MLLT3: variants seen among roughly 807,000 people sequenced by gnomAD.
The protein encoded by MLLT3 is MLLT3 super elongation complex subunit, also known as protein AF-9.
MLLT3 carries 4 observed loss-of-function variants against 53.2 expected under a neutral mutation model. The ratio of observed to expected loss-of-function variants is 0.08; its 90% CI spans 0.04 to 0.17. MLLT3 has a LOEUF of 0.17. Ranked by LOEUF, MLLT3 falls within the 10% of genes least tolerant of loss-of-function variation. MLLT3 has a pLI of 1.00. For synonymous variants in MLLT3, 283 were observed against 230.6 expected (o/e 1.23, Z -2.06); for missense variants, 569 against 684.0 (o/e 0.83, Z 1.87).
In MLLT3 at chr9:20,414,259, G is replaced by A; in HGVS notation, c.587C>T (p.Pro196Leu). The stretch of plus-strand genomic sequence containing the variant: ...CTTGTGCTCCTTCATTAATTTGTGA[G>A]GCTTTGAAAAACTGGTACTACTGCT... ...SSSSSTSFSKPHKLMKEHKEK... is the reference protein window; with the variant it reads ...SSSSSTSFSKLHKLMKEHKEK... The change falls in exon 5 of 11, where the codon CCT becomes CTT. Residue 196 changes from proline (P) to leucine (L), a missense_variant. This residue lies in a region of MLLT3 where 437 missense variants were observed against 376.5 expected (regional missense o/e 1.16). Transcript: ENST00000380338. 6.2e-7 allele frequency: 1 copy of A among 1,611,964 alleles called. No individual in the cohort carries two copies. The highest frequency in any genetic ancestry group is 8.5e-7 in the Non-Finnish European group (1 of 1,179,106).
At chr9:20,540,589 T>C (rs1458970486) in intron 2 of MLLT3, among the ~76,000 whole-genome samples, 1 of 152,208 alleles carries the variant, frequency 6.6e-6, no homozygotes, top group Admixed American at 6.5e-5. Context: ...GGGCTGGAGA[T>C]GGAGCAGCTG....
intron 5 of MLLT3, among the ~76,000 whole-genome samples, chr9:20,366,703 C>T (rs1156371251): frequency 1.3e-5 from 2 of 152,210 alleles, no homozygotes; most frequent in Non-Finnish European, 2.9e-5. Flanking sequence ...TCTCCAGCAT[C>T]TGTTGTTTCC....
rs552928716 is a variant in MLLT3 at position 20,376,301 on chromosome 9, A to G, written c.1126-10557T>C. Among the ~76,000 whole-genome samples, 30 of 152,300 alleles carry G rather than the reference A, an allele frequency of 2.0e-4. No homozygotes were observed. The South Asian group carries it at 5.0e-3, about 25-fold the overall frequency. ...TGAATGAATTTGATGTTAGATTAGA[A>G]TCATATTTAGCCTCTTGAGTTCTTA... On this transcript the variant is annotated intron_variant, in intron 5 of 10. Transcript: ENST00000380338.
intron 2 of MLLT3, among the ~76,000 whole-genome samples, chr9:20,500,110 C>A (rs1287434539): frequency 6.6e-6 from 1 of 152,234 alleles, no homozygotes; most frequent in African/African-American, 2.4e-5. Flanking sequence ...ATTTTACTTT[C>A]TCTGAGGGTC....
chr9:20,622,283 G>C lies in MLLT3; in HGVS notation c.-27C>G. 1 of 1,573,132 alleles carries C rather than the reference G, an allele frequency of 6.4e-7. No individual in the cohort carries two copies. The stretch of plus-strand genomic sequence containing the variant: ...CCTGGGGGCCCGGAGGTTTGCTGGG[G>C]TGTTGTGTGGTACCCCCCCCTCCTC... On this transcript the variant is annotated 5_prime_UTR_variant, in exon 1 of 11. Transcript: ENST00000380338.
At chr9:20,501,237 C>T (rs1825216978) in intron 2 of MLLT3, among the ~76,000 whole-genome samples, 1 of 152,110 alleles carries the variant, frequency 6.6e-6, no homozygotes, top group Non-Finnish European at 1.5e-5. Flanking sequence ...TCTCATTCTC[C>T]ATAAAATGTA....
intron 2 of MLLT3, among the ~76,000 whole-genome samples, chr9:20,539,102 A>G (rs920563412): frequency 5.9e-5 from 9 of 152,226 alleles, no homozygotes; most frequent in Non-Finnish European, 1.3e-4. Context: ...AGGCTGGAGT[A>G]GCTGTGGTGA....
At chr9:20,456,928 G>T in intron 2 of MLLT3, 142 bp from the exon 3 acceptor site, 2 of 599,872 alleles carry the variant, frequency 3.3e-6, no homozygotes, top group Non-Finnish European at 5.7e-6. Flanking sequence ...TTGAGTCTCC[G>T]ATCTATCCTT....
intron 5 of MLLT3, among the ~76,000 whole-genome samples, chr9:20,371,142 G>T (rs185514547): frequency 2.0e-5 from 3 of 152,326 alleles, no homozygotes; most frequent in Admixed American, 1.3e-4. Flanking sequence ...TGAGGAAGCT[G>T]CAGACAAAAA....
At chr9:20,481,960 T>A (rs1055851780) in intron 2 of MLLT3, among the ~76,000 whole-genome samples, 10 of 152,072 alleles carry the variant, frequency 6.6e-5, no homozygotes, top group Non-Finnish European at 1.0e-4. Flanking sequence ...AGAACCAAGG[T>A]CTCAAGAACA....
At chr9:20,575,852 T>C (rs1819639910) in intron 2 of MLLT3, among the ~76,000 whole-genome samples, 1 of 152,204 alleles carries the variant, frequency 6.6e-6, no homozygotes, top group South Asian at 2.1e-4. Flanking sequence ...GAGCACTGGC[T>C]TCAACTAAAA....
At chr9:20,372,442 G>A (rs1821629758) in intron 5 of MLLT3, among the ~76,000 whole-genome samples, 1 of 151,890 alleles carries the variant, frequency 6.6e-6, no homozygotes. Flanking sequence ...CTGTCACAAA[G>A]GCTGGAGTGC....
chr9:20,442,362 A>G (rs1215084388), intron 4 of MLLT3, among the ~76,000 whole-genome samples: 1 of 152,210 alleles, frequency 6.6e-6, no homozygotes, highest in Non-Finnish European at 1.5e-5. Context: ...TTCTACTCTA[A>G]GGAATTTATC....
At chr9:20,574,132 A>C (rs1476499693) in intron 2 of MLLT3, among the ~76,000 whole-genome samples, 1 of 152,224 alleles carries the variant, frequency 6.6e-6, no homozygotes, top group Non-Finnish European at 1.5e-5. Flanking sequence ...AGTAAGTTCA[A>C]GATAATGTCC....
At chr9:20,598,711 A>G (rs1274454722) in intron 2 of MLLT3, among the ~76,000 whole-genome samples, 1 of 152,238 alleles carries the variant, frequency 6.6e-6, no homozygotes, top group Non-Finnish European at 1.5e-5. Flanking sequence ...GATAGACAGT[A>G]CACTTCTAAA....
chr9:20,384,200 C>A (rs1821973418), intron 5 of MLLT3, among the ~76,000 whole-genome samples: 1 of 151,922 alleles, frequency 6.6e-6, no homozygotes, highest in Non-Finnish European at 1.5e-5. Context: ...CAGATGGATG[C>A]TGATTGCTTA....
chr9:20,473,496 C>T (rs1281262441), intron 2 of MLLT3, among the ~76,000 whole-genome samples: 1 of 152,018 alleles, frequency 6.6e-6, no homozygotes, highest in African/African-American at 2.4e-5. Flanking sequence ...ACTAGAGGTA[C>T]GTCTGTTTAC....
At chr9:20,526,883 G>A (rs143750447) in intron 2 of MLLT3, among the ~76,000 whole-genome samples, 1 of 152,260 alleles carries the variant, frequency 6.6e-6, no homozygotes, top group Non-Finnish European at 1.5e-5. Context: ...TTTCCCTAAT[G>A]ACTAATGAGG....
intron 2 of MLLT3, among the ~76,000 whole-genome samples, chr9:20,531,949 T>A (rs1054381403): frequency 2.0e-5 from 3 of 151,936 alleles, no homozygotes; most frequent in African/African-American, 7.2e-5. Context: ...TTCATTTTAG[T>A]TTAGACTAAA....
Sources: allele counts gnomAD v4.1 joint callset (sites outside exome capture counted in the v4.1 genomes callset), GRCh38; gene constraint gnomAD v4.1.1; regional missense constraint gnomAD v4.1.1; transcripts MANE v1.5; gene names NCBI Gene and HGNC (gene_info 2026-07-23, HGNC 2026-07-21).